Variants in DLC1 observed in about 807,000 individuals in gnomAD.
DLC1 encodes the protein DLC1 Rho GTPase activating protein.
A neutral mutation model predicts 140.3 loss-of-function variants in DLC1; 54 were observed. The observed-to-expected ratio is 0.38, with a 90% CI of 0.31 to 0.48. DLC1 has a LOEUF of 0.48. DLC1 is among the 20% of genes least tolerant of loss of function. The pLI is 0.96. For missense variants in DLC1, 2,536 were observed against 1,907.0 expected (o/e 1.33, Z -6.14); for synonymous variants, 986 against 728.1 (o/e 1.35, Z -5.70).
intron 4 of DLC1, among the ~76,000 whole-genome samples, chr8:13,380,191 A>G (rs987301342): frequency 2.6e-5 from 4 of 152,222 alleles, no homozygotes; most frequent in African/African-American, 4.8e-5. Flanking sequence ...AAATTATGTC[A>G]TAAAGACCAC....
chr8:13,188,841 A>T (rs1157441254), intron 5 of DLC1, among the ~76,000 whole-genome samples: 43 of 26,626 alleles, frequency 1.6e-3, no homozygotes, highest in African/African-American at 5.0e-3. Flanking sequence ...ATATATATAT[A>T]TATTTTTTTT....
At chr8:13,549,291 T>A (rs953580183) in intron 1 of DLC1, among the ~76,000 whole-genome samples, 1 of 152,060 alleles carries the variant, frequency 6.6e-6, no homozygotes, top group Non-Finnish European at 1.5e-5. Flanking sequence ...AGTAAAACAA[T>A]TGTATGAAAA....
At chr8:13,355,860 A>G (rs1359889314) in intron 4 of DLC1, among the ~76,000 whole-genome samples, 1 of 151,874 alleles carries the variant, frequency 6.6e-6, no homozygotes, top group Non-Finnish European at 1.5e-5. Flanking sequence ...TAAGGTGGGC[A>G]GATCATGAGG....
chr8:13,384,117 A>G (rs1836400419), intron 4 of DLC1, among the ~76,000 whole-genome samples: 1 of 152,254 alleles, frequency 6.6e-6, no homozygotes, highest in Non-Finnish European at 1.5e-5. Context: ...CACTAAGTTT[A>G]TAATTTATTA....
chr8:13,497,353 C>G (rs1016067352), intron 2 of DLC1, among the ~76,000 whole-genome samples: 1 of 152,086 alleles, frequency 6.6e-6, no homozygotes, highest in African/African-American at 2.4e-5. Flanking sequence ...AGGATAAATT[C>G]CCAACCTAAA....
intron 4 of DLC1, among the ~76,000 whole-genome samples, chr8:13,361,377 C>T (rs903830161): frequency 2.0e-5 from 3 of 151,940 alleles, no homozygotes; most frequent in Non-Finnish European, 4.4e-5. Context: ...GACTCAACCT[C>T]CTGAGCAGCT....
In DLC1 at chr8:13,086,359, G is replaced by C. The variant is rs760147836; in HGVS notation, c.4397C>G (p.Ser1466Cys). ...VVGVRVNVLLSRYLIEPCGPG... is the reference protein window; with the variant it reads ...VVGVRVNVLLCRYLIEPCGPG... Reference sequence around the variant, plus strand: ...CCCACAGGGTTCAATCAAATACCTGGACAAGAGCACATTAACCCTCACACC... The same window carrying C: ...CCCACAGGGTTCAATCAAATACCTGCACAAGAGCACATTAACCCTCACACC... The change falls in exon 17 of 18, where the codon TCC becomes TGC. Residue 1466 changes from serine to cysteine, a missense_variant. Ser to Cys is a moderately radical substitution (Grantham distance 112). Transcript: ENST00000276297. The C allele has an allele frequency of 6.2e-7, 1 of 1,614,170 alleles. No homozygotes were observed. The highest frequency in any genetic ancestry group is 8.5e-7 in the Non-Finnish European group (1 of 1,180,036).
At chr8:13,268,202 G>A (rs890354993) in intron 5 of DLC1, among the ~76,000 whole-genome samples, 1 of 152,130 alleles carries the variant, frequency 6.6e-6, no homozygotes, top group Non-Finnish European at 1.5e-5. Context: ...AAGTCAGTAT[G>A]TCATTTTAAA....
intron 3 of DLC1, among the ~76,000 whole-genome samples, chr8:13,399,305 G>A (rs1437281844): frequency 1.3e-5 from 2 of 152,140 alleles, no homozygotes; most frequent in African/African-American, 2.4e-5. Context: ...TGTTGGGAAG[G>A]TTTCTAATGT....
At chr8:13,232,849 A>G (rs950027626) in intron 5 of DLC1, among the ~76,000 whole-genome samples, 1 of 152,234 alleles carries the variant, frequency 6.6e-6, no homozygotes. Flanking sequence ...TTTTCTCATG[A>G]CATTGTTTCT....
chr8:13,576,850 G>A (rs998014413), intron 1 of DLC1, among the ~76,000 whole-genome samples: 1 of 152,208 alleles, frequency 6.6e-6, no homozygotes, highest in African/African-American at 2.4e-5. Context: ...GAGTAGCTTG[G>A]TAAAGACATA....
At chr8:13,448,894 C>T (rs953264840) in intron 2 of DLC1, among the ~76,000 whole-genome samples, 2 of 151,944 alleles carry the variant, frequency 1.3e-5, no homozygotes, top group Non-Finnish European at 2.9e-5. Flanking sequence ...AAGGAAACAC[C>T]AGTTTTCGGG....
At chr8:13,426,446 T>C (rs1427563988) in intron 2 of DLC1, among the ~76,000 whole-genome samples, 2 of 152,162 alleles carry the variant, frequency 1.3e-5, no homozygotes, top group Non-Finnish European at 2.9e-5. Flanking sequence ...ATCTGAATAG[T>C]TACCTCTGTA....
intron 7 of DLC1, among the ~76,000 whole-genome samples, chr8:13,108,369 T>C (rs1490736167): frequency 2.0e-5 from 3 of 152,218 alleles, no homozygotes; most frequent in African/African-American, 4.8e-5. Flanking sequence ...TGTTATTCTA[T>C]GCAGGAGAGA....
At chr8:13,280,448 C>T (rs1424741776) in intron 5 of DLC1, among the ~76,000 whole-genome samples, 2 of 152,124 alleles carry the variant, frequency 1.3e-5, no homozygotes, top group Non-Finnish European at 2.9e-5. Context: ...CCCTGGAGAA[C>T]AGAGGTTCTA....
chr8:13,285,503 G>A (rs1047271715), intron 5 of DLC1, among the ~76,000 whole-genome samples: 3 of 152,132 alleles, frequency 2.0e-5, no homozygotes, highest in Non-Finnish European at 4.4e-5. Context: ...TGGGCAAAAA[G>A]TTTAAACTGA....
intron 2 of DLC1, among the ~76,000 whole-genome samples, chr8:13,437,166 T>A (rs1291287340): frequency 6.6e-6 from 1 of 152,174 alleles, no homozygotes; most frequent in African/African-American, 2.4e-5. Flanking sequence ...TTTCTCAAGT[T>A]GACAAGTTGA....
At chr8:13,389,016 T>C (rs777480975) in intron 4 of DLC1, among the ~76,000 whole-genome samples, 5 of 152,094 alleles carry the variant, frequency 3.3e-5, no homozygotes, top group Admixed American at 6.6e-5. Context: ...AAGTATAGCG[T>C]TCAGGAGCAT....
At chr8:13,598,241 C>G (rs1021086) in intron 1 of DLC1, among the ~76,000 whole-genome samples, 11,466 of 152,094 alleles carry the variant, frequency 0.075, 651 homozygotes, top group Admixed American at 0.18. Flanking sequence ...CTTAATTTGT[C>G]TAATTTTTGT....
Sources: gnomAD v4.1 joint callset for allele counts (sites outside exome capture counted in the v4.1 genomes callset) on GRCh38, gnomAD v4.1.1 for gene constraint, MANE v1.5 for transcripts, NCBI Gene and HGNC (gene_info 2026-07-23, HGNC 2026-07-21) for gene names.